Variants in THRAP3 observed in about 807,000 individuals in gnomAD.
The protein encoded by THRAP3 is thyroid hormone receptor-associated protein 3.
Under a neutral mutation model 101.0 loss-of-function variants are expected in THRAP3, and 16 were observed. That is an observed-to-expected ratio of 0.16 (90% confidence interval 0.11 to 0.24). The LOEUF is 0.24. THRAP3 is among the 10% of genes least tolerant of loss of function. THRAP3 has a pLI of 1.00. For missense variants in THRAP3, 989 were observed against 1,202.7 expected (o/e 0.82, Z 2.63); for synonymous variants, 407 against 422.6 (o/e 0.96, Z 0.45).
chr1:36,233,639 G>T lies in THRAP3; in HGVS notation c.-135+9134G>T, dbSNP rs569927974. Among the ~76,000 whole-genome samples the T allele has an allele frequency of 1.6e-4, 24 of 152,258 alleles. No individual in the cohort carries two copies. In the East Asian group the frequency reaches 4.2e-3, roughly 27 times the overall value. On this transcript the variant is annotated intron_variant, in intron 1 of 11. Transcript: ENST00000354618. ...AAAATTAGCCGGTGTGGTGGCATGA[G>T]CCTGTAGTCCCAGCTACTTAGGGGG...
At chr1:36,278,082 T>A (rs1430436317) in intron 2 of THRAP3, among the ~76,000 whole-genome samples, 3 of 144,916 alleles carry the variant, frequency 2.1e-5, no homozygotes, top group African/African-American at 8.1e-5. Flanking sequence ...TTTTTTTTTT[T>A]AAGACGGAGT....
At chr1:36,211,861 T>C in the THRAP3 span, among the ~76,000 whole-genome samples, 2 of 152,164 alleles carry the variant, frequency 1.3e-5, no homozygotes, top group African/African-American at 4.8e-5. Flanking sequence ...GGTCAGACAA[T>C]GCTGCCGGTT....
intron 9 of THRAP3, among the ~76,000 whole-genome samples, chr1:36,299,336 G>A (rs115705359): frequency 0.084 from 12,726 of 151,780 alleles, 751 homozygotes; most frequent in Middle Eastern, 0.23. Context: ...CTGCTCAGGA[G>A]GCTGAGGCGG....
intron 4 of THRAP3, 98 bp from the exon 5 acceptor site, chr1:36,288,962 T>C (rs974957417): frequency 4.2e-5 from 59 of 1,390,080 alleles, no homozygotes; most frequent in Non-Finnish European, 4.9e-5. Flanking sequence ...TAAGACATGT[T>C]TTTTTCAGAG....
At chr1:36,220,730 G>T (rs1644898343), upstream of THRAP3, among the ~76,000 whole-genome samples, 1 of 151,968 alleles carries the variant, frequency 6.6e-6, no homozygotes, top group Admixed American at 6.6e-5. Flanking sequence ...GAGGCGGGTG[G>T]ATCACCTGAG....
At chr1:36,279,748 A>C (rs1418252) in intron 2 of THRAP3, among the ~76,000 whole-genome samples, 144,021 of 152,296 alleles carry the variant, frequency 0.95, 68,636 homozygotes, top group Middle Eastern at 1. Context: ...CCCCTGTGAG[A>C]TGGAGCTATA....
chr1:36,292,373 GA>G (rs1418315577), intron 6 of THRAP3, among the ~76,000 whole-genome samples: 2 of 141,162 alleles, frequency 1.4e-5, no homozygotes, highest in Non-Finnish European at 3.0e-5. Flanking sequence ...CTGGGTTCAC[GA>G]CATTCTTCTG....
chr1:36,270,502 T>C (rs1180544670), intron 2 of THRAP3, among the ~76,000 whole-genome samples: 1 of 152,120 alleles, frequency 6.6e-6, no homozygotes, highest in African/African-American at 2.4e-5. Flanking sequence ...CAAAGTAGAT[T>C]TACTGTGAGA....
chr1:36,299,431 C>A (rs976178416), intron 9 of THRAP3, among the ~76,000 whole-genome samples: 14 of 151,780 alleles, frequency 9.2e-5, no homozygotes, highest in Non-Finnish European at 1.5e-4. Context: ...GAGTGAGACT[C>A]CATCTCAACA....
At chr1:36,225,738 A>C (rs1644954841) in intron 1 of THRAP3, among the ~76,000 whole-genome samples, 1 of 152,210 alleles carries the variant, frequency 6.6e-6, no homozygotes, top group Non-Finnish European at 1.5e-5. Flanking sequence ...TAAATAGCCA[A>C]AACCGGCTCC....
At position 36,263,443 on chromosome 1, in the gene THRAP3, C is replaced by T. The variant is rs141440389; in HGVS notation, c.-32+3959C>T. Among the ~76,000 whole-genome samples, 1,373 of 152,144 alleles carry T rather than the reference C, an allele frequency of 9.0e-3. 18 individuals are homozygous for T. The highest frequency in any genetic ancestry group is 0.031 in the African/African-American group (1,299 of 41,498). On this transcript the variant is annotated intron_variant, in intron 2 of 11. Transcript: ENST00000354618. ...AATAGTTAAGTGTCATGATTGGCTG[C>T]TTAATTTAGCTTAGAAAAGATTTAT...
At position 36,277,644 on chromosome 1, in the gene THRAP3, A is replaced by T. The variant is rs114446007; in HGVS notation, c.-31-4889A>T. Among the ~76,000 whole-genome samples, 1,463 of 152,256 alleles carry T rather than the reference A, an allele frequency of 9.6e-3. 17 individuals are homozygous for T. Among genetic ancestry groups the T allele is most frequent in the African/African-American group, 0.034 (1,402 of 41,544 alleles). The stretch of plus-strand genomic sequence containing the variant: ...GCCTCAAGTCTCCCAAGTAGCTGGG[A>T]CTGTGGGCATGCACCACCATGCCTG... On this transcript the variant is annotated intron_variant, in intron 2 of 11. Coordinates refer to ENST00000354618, the MANE Select transcript of THRAP3 (RefSeq NM_005119.4).
At chr1:36,288,401 C>T (rs1645823838) in intron 4 of THRAP3, 1 of 985,232 alleles carries the variant, frequency 1.0e-6, no homozygotes, top group African/African-American at 1.7e-5. Context: ...TATTTTAAAA[C>T]ATAAGTTTTG....
the THRAP3 span, among the ~76,000 whole-genome samples, chr1:36,212,149 G>A: frequency 6.6e-6 from 1 of 152,166 alleles, no homozygotes; most frequent in African/African-American, 2.4e-5. Flanking sequence ...TCTCAGGATG[G>A]CTGCCTCTAA....
chr1:36,222,845 T>A (rs934538373), upstream of THRAP3, among the ~76,000 whole-genome samples: 3 of 152,200 alleles, frequency 2.0e-5, no homozygotes, highest in Non-Finnish European at 4.4e-5. Flanking sequence ...TAAAATTACA[T>A]TGGTTCAGCC....
At position 36,293,028 on chromosome 1, in the gene THRAP3, C is replaced by CTTTTTTT. The variant is rs71053920; in HGVS notation, c.2030+331_2030+337dup. Reference sequence around the variant, plus strand: ...AGTAAATGCTAGTTTCTTTTCTTGTCTTTTTTTTTTTTTTTTTTGAGATGG... The same window carrying CTTTTTTT: ...AGTAAATGCTAGTTTCTTTTCTTGTCTTTTTTTTTTTTTTTTTTTTTTTTTGAGATGG... On this transcript the variant is annotated intron_variant, in intron 7 of 11. Coordinates refer to ENST00000354618, the MANE Select transcript of THRAP3 (RefSeq NM_005119.4). 5.7e-3 allele frequency among the ~76,000 whole-genome samples: 471 copies of CTTTTTTT among 82,808 alleles called. 78 individuals are homozygous for CTTTTTTT. The highest frequency in any genetic ancestry group is 0.015 in the African/African-American group (358 of 23,712). 54.3% of individuals were successfully genotyped at this position (82,808 alleles called of 152,430 possible).
the THRAP3 span, among the ~76,000 whole-genome samples, chr1:36,210,379 A>G: frequency 1.3e-5 from 2 of 148,878 alleles, no homozygotes; most frequent in Non-Finnish European, 3.0e-5. Context: ...AAAAAAAAAA[A>G]AAAGAAAAAA....
chr1:36,248,935 T>C (rs1237644303), intron 1 of THRAP3, among the ~76,000 whole-genome samples: 1 of 151,840 alleles, frequency 6.6e-6, no homozygotes, highest in Non-Finnish European at 1.5e-5. Context: ...TGTCTTGCTC[T>C]GTTTCCCAGG....
At chr1:36,208,965 C>A in the THRAP3 span, among the ~76,000 whole-genome samples, 1 of 118,380 alleles carries the variant, frequency 8.4e-6, no homozygotes, top group Non-Finnish European at 1.7e-5. Context: ...CCATGTCCAG[C>A]CTTTTTTTTT....
Sources: gnomAD v4.1 joint callset for allele counts (sites outside exome capture counted in the v4.1 genomes callset) on GRCh38, gnomAD v4.1.1 for gene constraint, MANE v1.5 for transcripts, NCBI Gene and HGNC (gene_info 2026-07-23, HGNC 2026-07-21) for gene names.